ARL15: variants seen among roughly 807,000 people sequenced by gnomAD.
The protein encoded by ARL15 is ADP-ribosylation factor-like protein 15.
Under a neutral mutation model 25.2 loss-of-function variants are expected in ARL15, and 19 were observed. The observed-to-expected ratio is 0.75, with a 90% CI of 0.53 to 1.10. The LOEUF is 1.10. ARL15 is among the 50% of genes least tolerant of loss of function. The probability of loss-of-function intolerance (pLI) is 0.00; values close to 1 mark genes in which losing one functional copy is unlikely to be tolerated. For missense variants in ARL15, 220 were observed against 246.0 expected, an observed-to-expected ratio of 0.89 and a Z score of 0.71; for synonymous variants, 94 against 86.8, an observed-to-expected ratio of 1.08 and a Z score of -0.46.
intron 4 of ARL15, chr5:53,912,048 A>G (rs1353908643): frequency 1.3e-5 from 2 of 151,386 alleles, no homozygotes; most frequent in East Asian, 3.9e-4. Flanking sequence ...ATGAATTTGC[A>G]TGTCATCCTT....
At chr5:54,248,342 A>C (rs72754242) in intron 1 of ARL15, among the ~76,000 whole-genome samples, 1 of 151,938 alleles carries the variant, frequency 6.6e-6, no homozygotes, top group Non-Finnish European at 1.5e-5. Context: ...AACCTTACCT[A>C]TCTCCATCTT....
At chr5:54,133,837 C>T (rs1166489490) in intron 3 of ARL15, among the ~76,000 whole-genome samples, 1 of 151,868 alleles carries the variant, frequency 6.6e-6, no homozygotes, top group African/African-American at 2.4e-5. Context: ...GAGGATAAAG[C>T]TATCAGAAAG....
chr5:54,270,931 T>A (rs1757769095), intron 1 of ARL15, among the ~76,000 whole-genome samples: 1 of 152,124 alleles, frequency 6.6e-6, no homozygotes, highest in Non-Finnish European at 1.5e-5. Flanking sequence ...GTCTGGTGGA[T>A]GGTGGTGAAG....
intron 4 of ARL15, among the ~76,000 whole-genome samples, chr5:53,916,926 C>T (rs942496320): frequency 1.2e-4 from 18 of 152,260 alleles, no homozygotes; most frequent in African/African-American, 4.3e-4. Flanking sequence ...CTCCGATATT[C>T]AGTAGTCACT....
chr5:54,159,143 C>T (rs1370618578), intron 2 of ARL15, among the ~76,000 whole-genome samples: 1 of 152,188 alleles, frequency 6.6e-6, no homozygotes, highest in Non-Finnish European at 1.5e-5. Flanking sequence ...AATAACCCAA[C>T]ACAAGAAACC....
intron 3 of ARL15, among the ~76,000 whole-genome samples, chr5:54,132,867 C>A (rs370508813): frequency 4.6e-5 from 7 of 152,134 alleles, no homozygotes; most frequent in Non-Finnish European, 8.8e-5. Context: ...TTTACTGCAA[C>A]CTGTTTTATT....
chr5:54,062,065 C>G (rs1751082576), intron 4 of ARL15, among the ~76,000 whole-genome samples: 1 of 152,174 alleles, frequency 6.6e-6, no homozygotes, highest in Admixed American at 6.5e-5. Flanking sequence ...TTTGACTGCC[C>G]CACTGGATTT....
Position 54,053,183 on chromosome 5 carries a change from T to A in ARL15, c.462+60019A>T, listed in dbSNP as rs375617596. Among the ~76,000 whole-genome samples the A allele has an allele frequency of 4.5e-4, 69 of 152,026 alleles. 1 individual carries two copies. The East Asian group carries it at 7.8e-3, about 17-fold the overall frequency. ...GAAGGATCCCTGGGGCCCGGGAGGA[T>A]CCCTGGAGACTAGGAGCAATATGGC... On this transcript the variant is annotated intron_variant, in intron 4 of 4. Coordinates refer to ENST00000504924, the MANE Select transcript of ARL15 (RefSeq NM_019087.3).
chr5:54,123,361 G>C (rs189138282), intron 3 of ARL15, among the ~76,000 whole-genome samples: 1 of 151,912 alleles, frequency 6.6e-6, no homozygotes, highest in African/African-American at 2.4e-5. Context: ...TGCCTGCCTC[G>C]GCCTCCCAAA....
intron 4 of ARL15, among the ~76,000 whole-genome samples, chr5:54,058,128 C>T (rs1750945385): frequency 6.6e-6 from 1 of 151,930 alleles, no homozygotes; most frequent in South Asian, 2.1e-4. Flanking sequence ...GCCTCAGCCT[C>T]CCGAGTAGCT....
chr5:53,916,733 C>T (rs1348955036), intron 4 of ARL15, among the ~76,000 whole-genome samples: 2 of 152,088 alleles, frequency 1.3e-5, no homozygotes, highest in East Asian at 3.9e-4. Context: ...ATGATTGATA[C>T]AGCCTCCAAC....
At chr5:54,090,764 G>A (rs1312010332) in intron 4 of ARL15, among the ~76,000 whole-genome samples, 1 of 152,054 alleles carries the variant, frequency 6.6e-6, no homozygotes, top group East Asian at 1.9e-4. Flanking sequence ...GAATGCTAAG[G>A]AAAAGAAGCT....
At chr5:54,222,119 T>C (rs929384807) in intron 1 of ARL15, among the ~76,000 whole-genome samples, 3 of 152,236 alleles carry the variant, frequency 2.0e-5, no homozygotes, top group African/African-American at 7.2e-5. Flanking sequence ...AGCAAGTTTC[T>C]CTTGAACCCC....
intron 1 of ARL15, among the ~76,000 whole-genome samples, chr5:54,293,511 T>C (rs1758388390): frequency 6.6e-6 from 1 of 152,230 alleles, no homozygotes; most frequent in Non-Finnish European, 1.5e-5. Context: ...ACCACAATGT[T>C]TTCTTAAATA....
At chr5:54,031,386 T>G (rs184221286) in intron 4 of ARL15, among the ~76,000 whole-genome samples, 150 of 152,308 alleles carry the variant, frequency 9.8e-4, no homozygotes, top group African/African-American at 3.5e-3. Context: ...TTCTATTTCA[T>G]GATGGGAAGA....
intron 4 of ARL15, among the ~76,000 whole-genome samples, chr5:53,962,540 G>A (rs369543248): frequency 6.6e-6 from 1 of 152,018 alleles, no homozygotes; most frequent in Non-Finnish European, 1.5e-5. Flanking sequence ...GTTTCATTTC[G>A]AAATCTATCT....
chr5:54,292,993 T>C (rs907510104), intron 1 of ARL15, among the ~76,000 whole-genome samples: 3 of 152,174 alleles, frequency 2.0e-5, no homozygotes, highest in African/African-American at 7.2e-5. Context: ...GAGACTGAAA[T>C]GAGAAACAAC....
intron 4 of ARL15, among the ~76,000 whole-genome samples, chr5:54,006,556 G>A (rs79029487): frequency 0.048 from 7,233 of 151,952 alleles, 225 homozygotes; most frequent in Middle Eastern, 0.088. Context: ...AACAGGGATG[G>A]AGAACATACT....
At chr5:54,295,574 G>C (rs570132862) in intron 1 of ARL15, among the ~76,000 whole-genome samples, 1 of 151,878 alleles carries the variant, frequency 6.6e-6, no homozygotes, top group South Asian at 2.1e-4. Flanking sequence ...AACACACATA[G>C]AAATCCCAAA....
Sources: allele counts gnomAD v4.1 joint callset (sites outside exome capture counted in the v4.1 genomes callset), GRCh38; gene constraint gnomAD v4.1.1; transcripts MANE v1.5; gene names NCBI Gene and HGNC (gene_info 2026-07-23, HGNC 2026-07-21).